PARD3: variants seen among roughly 807,000 people sequenced by gnomAD.
PARD3 encodes partitioning defective 3 homolog.
In PARD3, 75 loss-of-function variants were observed where a neutral mutation model predicts 155.4. The observed-to-expected ratio is 0.48, with a 90% CI of 0.40 to 0.58. The LOEUF is 0.58. Ranked by LOEUF, PARD3 falls within the 20% of genes least tolerant of loss-of-function variation. The probability of loss-of-function intolerance (pLI) is 0.00; values close to 1 mark genes in which losing one functional copy is unlikely to be tolerated. For synonymous variants in PARD3, 576 were observed against 610.5 expected (o/e 0.94, Z 0.83); for missense variants, 1,642 against 1,721.7 (o/e 0.95, Z 0.82).
intron 2 of PARD3, among the ~76,000 whole-genome samples, chr10:34,624,098 T>A (rs527287171): frequency 6.6e-6 from 1 of 152,164 alleles, no homozygotes; most frequent in Non-Finnish European, 1.5e-5. Context: ...CTATTCCACA[T>A]GGTTTTTTGT....
chr10:34,413,445 A>G (rs1209061968), intron 5 of PARD3, among the ~76,000 whole-genome samples: 1 of 28,538 alleles, frequency 3.5e-5, no homozygotes, highest in Non-Finnish European at 5.8e-5. Flanking sequence ...GGCCAGCTCT[A>G]CCTTTTTTTT....
chr10:34,246,427 G>A (rs1953954791), intron 22 of PARD3, among the ~76,000 whole-genome samples: 1 of 152,154 alleles, frequency 6.6e-6, no homozygotes, highest in Non-Finnish European at 1.5e-5. Flanking sequence ...CCATCACCTT[G>A]GCTTTCTGGG....
intron 1 of PARD3, among the ~76,000 whole-genome samples, chr10:34,788,149 A>G (rs1841213606): frequency 6.6e-6 from 1 of 152,174 alleles, no homozygotes; most frequent in African/African-American, 2.4e-5. Context: ...GACCACGTGG[A>G]CAGATAGGAA....
chr10:34,490,299 G>A (rs549905944), intron 3 of PARD3, among the ~76,000 whole-genome samples: 40 of 152,196 alleles, frequency 2.6e-4, no homozygotes, highest in African/African-American at 9.2e-4. Flanking sequence ...TAGCTAAGAC[G>A]AGCAAACAGA....
At chr10:34,696,496 A>G in intron 1 of PARD3, 77 bp from the exon 2 acceptor site, 4 of 896,998 alleles carry the variant, frequency 4.5e-6, no homozygotes, top group Non-Finnish European at 7.4e-6. Flanking sequence ...AAACCGTGAT[A>G]ACTTCCTGCC....
intron 22 of PARD3, among the ~76,000 whole-genome samples, chr10:34,225,723 T>C (rs534208436): frequency 1.3e-4 from 20 of 152,174 alleles, no homozygotes; most frequent in Non-Finnish European, 2.5e-4. Flanking sequence ...TCATCTCATA[T>C]ACAAAAATTA....
At chr10:34,203,219 A>G (rs917776424) in intron 22 of PARD3, among the ~76,000 whole-genome samples, 2 of 152,226 alleles carry the variant, frequency 1.3e-5, no homozygotes, top group Non-Finnish European at 2.9e-5. Context: ...GCCAATAAAT[A>G]GAAAAGCAAA....
At chr10:34,484,258 G>A (rs2079287824) in intron 3 of PARD3, among the ~76,000 whole-genome samples, 1 of 152,188 alleles carries the variant, frequency 6.6e-6, no homozygotes, top group African/African-American at 2.4e-5. Flanking sequence ...GCACAAAGGT[G>A]CCCCGAGTAT....
At chr10:34,702,392 G>A (rs1215275066) in intron 1 of PARD3, among the ~76,000 whole-genome samples, 2 of 151,902 alleles carry the variant, frequency 1.3e-5, no homozygotes, top group African/African-American at 2.4e-5. Context: ...AATAATAAAT[G>A]TAAAAGATGG....
chr10:34,324,004 G>A (rs1376996515), intron 19 of PARD3, among the ~76,000 whole-genome samples: 1 of 152,180 alleles, frequency 6.6e-6, no homozygotes, highest in Non-Finnish European at 1.5e-5. Context: ...CCCTACAGTT[G>A]GAATTGCCAC....
intron 21 of PARD3, among the ~76,000 whole-genome samples, chr10:34,279,180 T>A (rs992801956): frequency 3.8e-5 from 5 of 132,014 alleles, no homozygotes; most frequent in East Asian, 2.4e-4. Flanking sequence ...AAGCTCTCAC[T>A]CTGTCACAAA....
intron 12 of PARD3, among the ~76,000 whole-genome samples, chr10:34,361,059 T>C (rs1313190477): frequency 6.6e-6 from 1 of 152,218 alleles, no homozygotes; most frequent in Non-Finnish European, 1.5e-5. Context: ...GATGACAGCC[T>C]ATCATTAAGA....
At chr10:34,387,107 C>T (rs1187800634) in intron 7 of PARD3, among the ~76,000 whole-genome samples, 2 of 152,152 alleles carry the variant, frequency 1.3e-5, no homozygotes, top group Non-Finnish European at 2.9e-5. Flanking sequence ...TAAAAATATG[C>T]CCTACCAAGA....
At chr10:34,553,386 G>A (rs558276159) in intron 2 of PARD3, among the ~76,000 whole-genome samples, 2 of 152,342 alleles carry the variant, frequency 1.3e-5, no homozygotes, top group South Asian at 4.1e-4. Flanking sequence ...TAGATTCAGA[G>A]AAGTTAAGGC....
At chr10:34,608,685 C>T (rs1036288567) in intron 2 of PARD3, among the ~76,000 whole-genome samples, 3 of 151,914 alleles carry the variant, frequency 2.0e-5, no homozygotes, top group Non-Finnish European at 4.4e-5. Flanking sequence ...CAGGTGCCTG[C>T]CACCACGCTC....
At chr10:34,808,232 T>C (rs1843646276) in intron 1 of PARD3, among the ~76,000 whole-genome samples, 1 of 152,144 alleles carries the variant, frequency 6.6e-6, no homozygotes, top group Admixed American at 6.6e-5. Flanking sequence ...GAGGATCGCT[T>C]GAGCCTGGGA....
chr10:34,633,669 T>A (rs2132850752), intron 2 of PARD3, among the ~76,000 whole-genome samples: 1 of 152,334 alleles, frequency 6.6e-6, no homozygotes, highest in East Asian at 1.9e-4. Context: ...ACATATTGAT[T>A]TCAAATCTTT....
At chr10:34,643,090 C>G (rs1268877389) in intron 2 of PARD3, among the ~76,000 whole-genome samples, 1 of 152,202 alleles carries the variant, frequency 6.6e-6, no homozygotes, top group African/African-American at 2.4e-5. Context: ...CACCATCAAT[C>G]CCCCCACAAC....
intron 22 of PARD3, among the ~76,000 whole-genome samples, chr10:34,246,329 A>T (rs145151176): frequency 6.6e-6 from 1 of 152,380 alleles, no homozygotes; most frequent in East Asian, 1.9e-4. Flanking sequence ...AGTCAAAAAT[A>T]GGAAACAACT....
Sources: gnomAD v4.1 joint callset for allele counts (sites outside exome capture counted in the v4.1 genomes callset) on GRCh38, gnomAD v4.1.1 for gene constraint, MANE v1.5 for transcripts, NCBI Gene and HGNC (gene_info 2026-07-23, HGNC 2026-07-21) for gene names.